SUGP1: variants seen among roughly 807,000 people sequenced by gnomAD.
SUGP1 encodes the protein SURP and G-patch domain-containing protein 1.
In SUGP1, 34 loss-of-function variants were observed where a neutral mutation model predicts 76.5. The observed-to-expected ratio is 0.44, with a 90% CI of 0.34 to 0.59. SUGP1 has a LOEUF of 0.59. SUGP1 is among the 20% of genes least tolerant of loss of function. The pLI is 0.01. For missense variants in SUGP1, 752 were observed against 851.7 expected (o/e 0.88, Z 1.46); for synonymous variants, 326 against 326.2 (o/e 1.00, Z 0.01).
At chr19:19,277,475 C>T (rs1449826617) in intron 12 of SUGP1, among the ~76,000 whole-genome samples, 3 of 152,140 alleles carry the variant, frequency 2.0e-5, no homozygotes, top group Admixed American at 2.0e-4. Context: ...AAGGCCTGAC[C>T]CATCTGTACC....
intron 2 of SUGP1, among the ~76,000 whole-genome samples, chr19:19,312,575 A>G (rs1300091569): frequency 6.6e-6 from 1 of 152,242 alleles, no homozygotes; most frequent in Non-Finnish European, 1.5e-5. Flanking sequence ...CATCAGAACT[A>G]AAATAACCTA....
At chr19:19,319,204 A>C (rs1309714716) in intron 1 of SUGP1, among the ~76,000 whole-genome samples, 1 of 152,186 alleles carries the variant, frequency 6.6e-6, no homozygotes, top group Non-Finnish European at 1.5e-5. Flanking sequence ...CCTGGGCGAC[A>C]GAGCGAAACT....
chr19:19,318,348 G>A (rs899249121), intron 1 of SUGP1, among the ~76,000 whole-genome samples: 2 of 151,046 alleles, frequency 1.3e-5, no homozygotes, highest in African/African-American at 4.9e-5. Flanking sequence ...TCGAATTCCT[G>A]ACCTCAAGTG....
chr19:19,314,522 T>A (rs1212408837), intron 2 of SUGP1, among the ~76,000 whole-genome samples: 3 of 152,100 alleles, frequency 2.0e-5, no homozygotes, highest in South Asian at 2.1e-4. Context: ...AGTAATTTTA[T>A]ATGAAAAAGA....
intron 8 of SUGP1, among the ~76,000 whole-genome samples, chr19:19,296,599 A>G (rs1568626077): frequency 6.6e-6 from 1 of 151,774 alleles, no homozygotes; most frequent in East Asian, 1.9e-4. Flanking sequence ...GTGAGCTGAA[A>G]TCGCACCACT....
chr19:19,320,499 A>C lies in SUGP1; in HGVS notation c.-3T>G. On this transcript the variant is annotated 5_prime_UTR_variant, in exon 1 of 14. It adds an upstream start codon to the 5' untranslated region. Coordinates refer to ENST00000247001, the MANE Select transcript of SUGP1 (RefSeq NM_172231.4). ...CGGTTGTCCATCTTGAGACTCATCC[A>C]ATCCCACAATGCTCCGGCGCCCCTT... 1 of 1,609,662 alleles carries C rather than the reference A, an allele frequency of 6.2e-7. No individual in the cohort carries two copies. Among genetic ancestry groups the C allele is most frequent in the Non-Finnish European group, 8.5e-7 (1 of 1,178,428 alleles).
intron 10 of SUGP1, 29 bp downstream of exon 10, chr19:19,279,180 GCCCA>G: frequency 1.5e-5 from 23 of 1,517,860 alleles, no homozygotes; most frequent in Non-Finnish European, 2.0e-5. Flanking sequence ...GCCATGCCCA[GCCCA>G]GCCCGGCCCA....
rs55849619 is a variant in SUGP1 at position 19,318,113 on chromosome 19, C to CTTTTCTTTTTTTTTTT, written c.35-1521_35-1520insAAAAAAAAAAAGAAAA. ...GGCGTGAGCCACCGAACCCAGCCTTCTTTTTTTTTTTTTTTTTTTTTGAGA... is the reference window on the plus strand; with the variant it reads ...GGCGTGAGCCACCGAACCCAGCCTTCTTTTCTTTTTTTTTTTTTTTTTTTTTTTTTTTTTTTTGAGA... On this transcript the variant is annotated intron_variant, in intron 1 of 13. Transcript: ENST00000247001. Among the ~76,000 whole-genome samples, 113 of 97,632 alleles carry CTTTTCTTTTTTTTTTT rather than the reference C, an allele frequency of 1.2e-3. 9 individuals are homozygous for CTTTTCTTTTTTTTTTT. Among genetic ancestry groups the CTTTTCTTTTTTTTTTT allele is most frequent in the African/African-American group, 1.6e-3 (37 of 22,822 alleles). The allele number at this position is 97,632 out of a possible 152,430, so 64.1% of individuals were successfully genotyped here.
chr19:19,301,447 G>A (rs965584606), intron 7 of SUGP1, among the ~76,000 whole-genome samples: 3 of 152,096 alleles, frequency 2.0e-5, no homozygotes, highest in East Asian at 1.9e-4. Context: ...CACCCTCCAC[G>A]ACCTTGGCCA....
At chr19:19,309,086 C>T (rs1028521858) in intron 3 of SUGP1, among the ~76,000 whole-genome samples, 1 of 151,982 alleles carries the variant, frequency 6.6e-6, no homozygotes, top group African/African-American at 2.4e-5. Context: ...AGGCTGATCT[C>T]GAACTCCTGA....
At chr19:19,281,248 C>T (rs1273044545) in intron 8 of SUGP1, 2 of 152,244 alleles carry the variant, frequency 1.3e-5, no homozygotes, top group African/African-American at 4.8e-5. Flanking sequence ...ATCAGTGGGA[C>T]TTGAACCTGG....
chr19:19,317,331 CAGA>C (rs1462746634), intron 1 of SUGP1, among the ~76,000 whole-genome samples: 2 of 152,014 alleles, frequency 1.3e-5, no homozygotes, highest in Non-Finnish European at 2.9e-5. Context: ...ATGATCTGGG[CAGA>C]AGAAGGAGCA....
chr19:19,307,144 T>C (rs1164640478), intron 3 of SUGP1, among the ~76,000 whole-genome samples: 1 of 152,060 alleles, frequency 6.6e-6, no homozygotes, highest in African/African-American at 2.4e-5. Flanking sequence ...CCTGAACTCC[T>C]GGGCTCAAGC....
At chr19:19,313,008 T>A (rs2315024) in intron 2 of SUGP1, among the ~76,000 whole-genome samples, 61,936 of 150,404 alleles carry the variant, frequency 0.41, 14,007 homozygotes, top group African/African-American at 0.6. Flanking sequence ...AATAAATAAA[T>A]AAAATAAATA....
In SUGP1 at chr19:19,280,222, G is replaced by A; in HGVS notation, c.1313C>T (p.Ser438Leu). 1 of 1,613,972 alleles carries A rather than the reference G, an allele frequency of 6.2e-7. No individual in the cohort carries two copies. Among genetic ancestry groups the A allele is most frequent in the Non-Finnish European group, 8.5e-7 (1 of 1,179,962 alleles). ...CTTCAGCTGCTTCTTCTGGGCGTCT[G>A]AAAGCTCTGTGACGCCCACTAGACC... The part of the protein sequence containing the change: ...PVGLVGVTEL[S>L]DAQKKQLKEQ... The change falls in exon 9 of 14, where the codon TCA (serine) becomes TTA (leucine). Residue 438 changes from serine to leucine, a missense_variant. Around this residue, in one of 2 missense-constraint regions of SUGP1, gnomAD observed 620 missense variants for 617.3 expected, o/e 1.00. Transcript: ENST00000247001.
intron 7 of SUGP1, among the ~76,000 whole-genome samples, chr19:19,300,241 A>T (rs917817217): frequency 1.7e-4 from 25 of 147,668 alleles, no homozygotes; most frequent in African/African-American, 5.8e-4. Flanking sequence ...ATGCCCAGTT[A>T]ATTTCTATAT....
At position 19,276,141 on chromosome 19, in the gene SUGP1, T is replaced by A. The variant is rs1360848961; in HGVS notation, c.*507A>T. The A allele has an allele frequency of 6.3e-6, 1 of 158,110 alleles. No individual in the cohort carries two copies. The highest frequency in any genetic ancestry group is 6.0e-5 in the Admixed American group (1 of 16,656). The allele number at this position is 158,110 out of a possible 1,614,324, so 9.8% of individuals were successfully genotyped here. On this transcript the variant is annotated 3_prime_UTR_variant, in exon 14 of 14. Transcript: ENST00000247001. ...GCAATCTTGGCTCACTGCAACCGCT[T>A]CCCAGGTTCAAGCCATTCTCCTGCC...
At chr19:19,284,534 A>C (rs1473424916) in intron 8 of SUGP1, among the ~76,000 whole-genome samples, 2 of 152,148 alleles carry the variant, frequency 1.3e-5, no homozygotes, top group Admixed American at 1.3e-4. Flanking sequence ...AAAACCTTGC[A>C]CTTTCTGTGA....
chr19:19,280,144 G>C (rs1343350806), intron 9 of SUGP1, 41 bp downstream of exon 9: 2 of 1,588,650 alleles, frequency 1.3e-6, no homozygotes. Flanking sequence ...CACTCTATGG[G>C]CGCCGACCAT....
Sources: allele counts gnomAD v4.1 joint callset (sites outside exome capture counted in the v4.1 genomes callset), GRCh38; gene constraint gnomAD v4.1.1; regional missense constraint gnomAD v4.1.1; transcripts MANE v1.5; gene names NCBI Gene and HGNC (gene_info 2026-07-23, HGNC 2026-07-21).